HMGXB3: variants seen among roughly 807,000 people sequenced by gnomAD.
The protein encoded by HMGXB3 is HMG-box containing 3, also known as HMG domain-containing protein 3.
In HMGXB3, 45 loss-of-function variants were observed where a neutral mutation model predicts 121.5. That is an observed-to-expected ratio of 0.37 (90% CI 0.29 to 0.47). The LOEUF (loss-of-function observed/expected upper bound fraction) is 0.47, where lower values mean the gene tolerates loss of function less well. Among genes scored for constraint, HMGXB3 ranks in the 20% least tolerant of loss-of-function variants. HMGXB3 has a pLI of 0.99. For synonymous variants in HMGXB3, 590 were observed against 624.1 expected, an observed-to-expected ratio of 0.95 and a Z score of 0.81; for missense variants, 1,376 against 1,602.2, an observed-to-expected ratio of 0.86 and a Z score of 2.41.
chr5:150,012,224 G>A (rs936102296), intron 4 of HMGXB3, 31 bp from the exon 5 acceptor site: 4 of 1,488,698 alleles, frequency 2.7e-6, no homozygotes, highest in South Asian at 2.4e-5. Flanking sequence ...CTCTGTTTCA[G>A]TGAAACTGTC....
intron 14 of HMGXB3, 22 bp from the exon 15 acceptor site, chr5:150,041,763 A>G (rs1756639035): frequency 1.9e-6 from 3 of 1,543,990 alleles, no homozygotes; most frequent in Non-Finnish European, 2.6e-6. Flanking sequence ...TGCCCTTCTC[A>G]GTGTTCTTGC....
chr5:150,050,159 C>A, intron 18 of HMGXB3, 93 bp from the exon 19 acceptor site: 1 of 1,115,452 alleles, frequency 9.0e-7, no homozygotes, highest in Non-Finnish European at 1.3e-6. Context: ...AAGCTGATTG[C>A]TCATCTTCCT....
chr5:150,013,188 C>T (rs1384441570), intron 5 of HMGXB3, among the ~76,000 whole-genome samples: 1 of 152,100 alleles, frequency 6.6e-6, no homozygotes, highest in African/African-American at 2.4e-5. Context: ...AGGATTCAGT[C>T]CTTCTTCATT....
At chr5:150,014,902 A>G in intron 5 of HMGXB3, 3 of 762,558 alleles carry the variant, frequency 3.9e-6, no homozygotes, top group Admixed American at 3.1e-5. Context: ...ATGTTTCTTC[A>G]GCACCTTCGC....
At position 150,000,978 on chromosome 5, in the gene HMGXB3, GCGGGGCCGCGGGGC is replaced by G. The variant is rs1755546820; in HGVS notation, c.-197_-184del. ...GCGACTCCGCGCCGTGTGTCGCCGG[GCGGGGCCGCGGGGC>G]CGGGGCTCCTTCAGCCCCCGGGATG... On this transcript the variant is annotated 5_prime_UTR_variant, in exon 1 of 20. Transcript: ENST00000502717. 1 of 154,434 alleles carries G rather than the reference GCGGGGCCGCGGGGC, an allele frequency of 6.5e-6. No individual in the cohort carries two copies. The highest frequency in any genetic ancestry group is 1.5e-5 in the Non-Finnish European group (1 of 68,210). 9.6% of individuals were successfully genotyped at this position (154,434 alleles called of 1,614,324 possible). A position where few individuals can be genotyped will look rare whatever the true frequency, so the allele number is the denominator to read the frequency against.
At chr5:150,037,668 T>G in intron 13 of HMGXB3, 141 bp downstream of exon 13, 1 of 643,198 alleles carries the variant, frequency 1.6e-6, no homozygotes, top group Non-Finnish European at 2.2e-6. Context: ...TTCCTAAATG[T>G]CTTAGTCCCA....
intron 13 of HMGXB3, among the ~76,000 whole-genome samples, chr5:150,039,843 C>G (rs570979556): frequency 5.3e-5 from 8 of 152,356 alleles, no homozygotes; most frequent in Non-Finnish European, 8.8e-5. Context: ...CCTTACCCTT[C>G]TTCACTGGGA....
chr5:150,008,718 G>C (rs1435076343), intron 3 of HMGXB3, among the ~76,000 whole-genome samples: 1 of 152,212 alleles, frequency 6.6e-6, no homozygotes, highest in African/African-American at 2.4e-5. Context: ...TATCATTCAG[G>C]CCTTCCAGGT....
intron 3 of HMGXB3, among the ~76,000 whole-genome samples, chr5:150,008,292 G>A (rs1755755305): frequency 2.0e-5 from 3 of 150,100 alleles, no homozygotes; most frequent in Admixed American, 6.6e-5. Context: ...ACATGAGTAG[G>A]TTAGTTCTGA....
At chr5:150,047,011 A>G (rs1228562936) in intron 16 of HMGXB3, among the ~76,000 whole-genome samples, 1 of 150,276 alleles carries the variant, frequency 6.7e-6, no homozygotes, top group Non-Finnish European at 1.5e-5. Context: ...CAGCCTCCCA[A>G]GTTGCTGAGA....
chr5:150,041,730 A>G, intron 14 of HMGXB3, 55 bp from the exon 15 acceptor site: 1 of 1,359,552 alleles, frequency 7.4e-7, no homozygotes, highest in Non-Finnish European at 1.0e-6. Context: ...GCTCATCCCT[A>G]GTGGCTTCAG....
chr5:150,004,453 A>AT (rs529863829), intron 1 of HMGXB3, among the ~76,000 whole-genome samples: 4 of 151,422 alleles, frequency 2.6e-5, no homozygotes, highest in Non-Finnish European at 4.4e-5. Flanking sequence ...CTGGCCAAGC[A>AT]TTTTTTTTTA....
chr5:150,052,101 G>T lies in HMGXB3; in HGVS notation c.3788G>T (p.Arg1263Leu). The change falls in exon 20 of 20, where the codon CGT becomes CTT. Residue 1263 changes from arginine to leucine, a missense_variant. Arg to Leu is a moderately radical substitution (Grantham distance 102, BLOSUM62 -2). Coordinates refer to ENST00000502717, the MANE Select transcript of HMGXB3 (RefSeq NM_014983.3). ...TGCCAGCCTGGTGAGGTGGTCATTC[G>T]TGACACCCTCTACCGCCTTGGGGTT... ...QSCQPGEVVI[R>L]DTLYRLGVAQ... The T allele has an allele frequency of 6.4e-7, 1 of 1,551,764 alleles. No individual in the cohort carries two copies. Among genetic ancestry groups the T allele is most frequent in the African/African-American group, 1.4e-5 (1 of 73,182 alleles).
At chr5:150,047,816 T>C (rs1756795214) in intron 17 of HMGXB3, 59 bp downstream of exon 17, 2 of 1,534,498 alleles carry the variant, frequency 1.3e-6, no homozygotes, top group Non-Finnish European at 8.8e-7. Flanking sequence ...ATTGGTCCAC[T>C]TTTTAGGTCA....
intron 15 of HMGXB3, among the ~76,000 whole-genome samples, chr5:150,043,371 C>G (rs903141951): frequency 2.6e-5 from 4 of 152,228 alleles, no homozygotes; most frequent in African/African-American, 9.6e-5. Context: ...AGGTTTCCAT[C>G]TCTGAACTCT....
At chr5:150,044,426 G>A (rs574026473) in intron 15 of HMGXB3, among the ~76,000 whole-genome samples, 57 of 152,270 alleles carry the variant, frequency 3.7e-4, no homozygotes, top group African/African-American at 1.3e-3. Context: ...CCCCTGTGAG[G>A]TGGCAAACAA....
chr5:150,016,340 C>CAAAA (rs34992392), intron 5 of HMGXB3, among the ~76,000 whole-genome samples: 1 of 92,612 alleles, frequency 1.1e-5, no homozygotes, highest in Non-Finnish European at 2.1e-5. Flanking sequence ...GACTCTGTCT[C>CAAAA]AAAAAAAAAA....
Position 150,051,849 on chromosome 5 carries a change from C to G in HMGXB3, c.3536C>G (p.Pro1179Arg), listed in dbSNP as rs1041633108. 5 of 1,550,670 alleles carry G rather than the reference C, an allele frequency of 3.2e-6. No individual in the cohort carries two copies. The highest frequency in any genetic ancestry group is 2.4e-5 in the East Asian group (1 of 40,942). ...TRRIVHAGLQ[P>R]NPGDPSAGHH... is the part of the protein sequence containing the mutation. ...CGCATCGTCCATGCAGGCCTACAGC[C>G]CAATCCTGGTGACCCCAGTGCTGGG... The change falls in exon 20 of 20, where the codon CCC becomes CGC. Residue 1179 changes from proline to arginine, a missense_variant. Around this residue, in one of 2 missense-constraint regions of HMGXB3, gnomAD observed 260 missense variants for 233.2 expected, o/e 1.11. Coordinates refer to ENST00000502717, the MANE Select transcript of HMGXB3 (RefSeq NM_014983.3).
rs146299937 is a variant in HMGXB3, at chr5:150,050,361, C to T, written c.3311C>T (p.Thr1104Met). ...CCTGTCTATGTGGTAGATATGGCCA[C>T]GTCAGTGGCCCTGTGTGCTGACCTC... ...WPPVYVVDMA[T>M]SVALCADLCY... The change falls in exon 19 of 20, where the codon ACG becomes ATG. Residue 1104 changes from threonine to methionine, a missense_variant. Transcript: ENST00000502717. The T allele has an allele frequency of 8.9e-5, 138 of 1,551,810 alleles. 1 individual carries two copies. In the African/African-American group the frequency reaches 1.6e-3, roughly 18 times the overall value.
Sources: gnomAD v4.1 joint callset for allele counts (sites outside exome capture counted in the v4.1 genomes callset) on GRCh38, gnomAD v4.1.1 for gene constraint, gnomAD v4.1.1 regional missense constraint, MANE v1.5 for transcripts, NCBI Gene and HGNC (gene_info 2026-07-23, HGNC 2026-07-21) for gene names.